The following PDE1A variants were observed in gnomAD, a reference collection of about 807,000 sequenced individuals.
PDE1A encodes the protein dual specificity calcium/calmodulin-dependent 3',5'-cyclic nucleotide phosphodiesterase 1A.
PDE1A carries 35 observed loss-of-function variants against 61.7 expected under a neutral mutation model. The ratio of observed to expected loss-of-function variants is 0.57; its 90% confidence interval spans 0.43 to 0.75. The LOEUF (loss-of-function observed/expected upper bound fraction) is 0.75, where lower values mean the gene tolerates loss of function less well. Among genes scored for constraint, PDE1A ranks in the 30% least tolerant of loss-of-function variants. The pLI, the probability that PDE1A is intolerant of heterozygous loss-of-function variation, is 0.00. For missense variants in PDE1A, 597 were observed against 630.6 expected (o/e 0.95, Z 0.57); for synonymous variants, 232 against 213.2 (o/e 1.09, Z -0.77).
intron 2 of PDE1A, among the ~76,000 whole-genome samples, chr2:182,472,741 T>C (rs1256745347): frequency 4.0e-5 from 6 of 150,234 alleles, no homozygotes; most frequent in African/African-American, 1.5e-4. Context: ...TAATCAACTC[T>C]AGCTCAACTG....
At chr2:182,188,923 T>C in intron 11 of PDE1A, 56 bp downstream of exon 11, 1 of 1,147,834 alleles carries the variant, frequency 8.7e-7, no homozygotes, top group Non-Finnish European at 1.3e-6. Flanking sequence ...CGTTTACCCA[T>C]TTGAAAACTG....
At chr2:182,545,179 G>C in the PDE1A span, among the ~76,000 whole-genome samples, 4 of 152,174 alleles carry the variant, frequency 2.6e-5, no homozygotes, top group East Asian at 7.7e-4. Flanking sequence ...GAAGAAACCG[G>C]ATACTACTCC....
At chr2:182,430,572 A>G (rs1203405830), upstream of PDE1A, among the ~76,000 whole-genome samples, 2 of 70,616 alleles carry the variant, frequency 2.8e-5, no homozygotes, top group African/African-American at 1.0e-4. Flanking sequence ...ATCTAGAACT[A>G]GAAATACCAT....
chr2:182,674,531 A>C, the PDE1A span, among the ~76,000 whole-genome samples: 1 of 151,966 alleles, frequency 6.6e-6, no homozygotes, highest in African/African-American at 2.4e-5. Context: ...AGGACAAAAT[A>C]AAATTATATA....
At chr2:182,360,960 G>T (rs1426413148) in intron 1 of PDE1A, among the ~76,000 whole-genome samples, 1 of 151,918 alleles carries the variant, frequency 6.6e-6, no homozygotes, top group Non-Finnish European at 1.5e-5. Context: ...AATAATAAAG[G>T]CTTATTTGTC....
At chr2:182,610,611 A>C in the PDE1A span, among the ~76,000 whole-genome samples, 1 of 152,230 alleles carries the variant, frequency 6.6e-6, no homozygotes, top group African/African-American at 2.4e-5. Context: ...TAGTAAATTA[A>C]AACAGTTGAA....
At chr2:182,609,465 T>C in the PDE1A span, among the ~76,000 whole-genome samples, 14 of 152,356 alleles carry the variant, frequency 9.2e-5, no homozygotes, top group African/African-American at 3.4e-4. Flanking sequence ...GGTCCACACT[T>C]CCTTTATGAG....
intron 3 of PDE1A, among the ~76,000 whole-genome samples, chr2:182,238,266 C>A (rs1450591200): frequency 1.4e-3 from 133 of 97,980 alleles, no homozygotes; most frequent in East Asian, 3.9e-3. Context: ...CAGACTACGT[C>A]AAAAAAAAAA....
chr2:182,589,087 A>AATG, the PDE1A span, among the ~76,000 whole-genome samples: 1 of 127,054 alleles, frequency 7.9e-6, no homozygotes, highest in African/African-American at 3.0e-5. Context: ...TAATAATAAT[A>AATG]ATAATTTTAA....
chr2:182,654,181 C>T, the PDE1A span, among the ~76,000 whole-genome samples: 1 of 152,144 alleles, frequency 6.6e-6, no homozygotes, highest in Non-Finnish European at 1.5e-5. Flanking sequence ...GTACCAGAGG[C>T]TATATTAGTT....
At chr2:182,389,486 T>TA (rs990795183) in intron 1 of PDE1A, among the ~76,000 whole-genome samples, 3 of 152,102 alleles carry the variant, frequency 2.0e-5, no homozygotes, top group Admixed American at 6.5e-5. Context: ...AGTGATATAT[T>TA]AAAAAAATAC....
At chr2:182,250,010 G>C (rs912947029) in intron 2 of PDE1A, among the ~76,000 whole-genome samples, 3 of 152,148 alleles carry the variant, frequency 2.0e-5, no homozygotes, top group African/African-American at 7.2e-5. Flanking sequence ...ATTCAACCAG[G>C]AGTGTCCATG....
intron 2 of PDE1A, among the ~76,000 whole-genome samples, chr2:182,249,459 C>T (rs1416731234): frequency 1.3e-5 from 2 of 152,040 alleles, no homozygotes; most frequent in Non-Finnish European, 2.9e-5. Flanking sequence ...AGAGGAACAC[C>T]AAAGAGAGCC....
chr2:182,349,275 T>A lies in PDE1A; in HGVS notation c.53+77303A>T, dbSNP rs540707312. Among the ~76,000 whole-genome samples, 46 of 152,238 alleles carry A rather than the reference T, an allele frequency of 3.0e-4. 1 individual carries two copies. In the South Asian group the frequency reaches 9.5e-3, roughly 32 times the overall value. ...CTACCATAAATAAACAGGATAAACA[T>A]AGAATCTGTCTGAAAAAGACACACT... is the stretch of plus-strand genomic sequence containing the variant. On this transcript the variant is annotated intron_variant, in intron 1 of 13. Transcript: ENST00000351439.
the PDE1A span, among the ~76,000 whole-genome samples, chr2:182,604,645 T>A: frequency 6.6e-6 from 1 of 152,220 alleles, no homozygotes; most frequent in African/African-American, 2.4e-5. Flanking sequence ...TTTATTATTA[T>A]CCCTAAGCAT....
At chr2:182,262,226 T>C (rs369271440) in intron 2 of PDE1A, among the ~76,000 whole-genome samples, 1 of 66,636 alleles carries the variant, frequency 1.5e-5, no homozygotes, top group African/African-American at 1.1e-4. Flanking sequence ...TTCTTTTTCT[T>C]TCTCTCTTTC....
chr2:182,343,734 T>C (rs1237822630), intron 1 of PDE1A, among the ~76,000 whole-genome samples: 2 of 152,162 alleles, frequency 1.3e-5, no homozygotes, highest in Admixed American at 6.6e-5. Flanking sequence ...TTCTTATATT[T>C]AGTAATTAAG....
the PDE1A span, among the ~76,000 whole-genome samples, chr2:182,603,533 A>G: frequency 6.6e-6 from 1 of 152,140 alleles, no homozygotes; most frequent in African/African-American, 2.4e-5. Flanking sequence ...ATTTTTTAGT[A>G]GAGACAGGGT....
At chr2:182,217,969 CG>C (rs1192836989) in intron 7 of PDE1A, among the ~76,000 whole-genome samples, 1 of 151,270 alleles carries the variant, frequency 6.6e-6, no homozygotes, top group Admixed American at 6.6e-5. Context: ...CACATGCAAA[CG>C]TATGTTTATT....
Sources: gnomAD v4.1 joint callset for allele counts (sites outside exome capture counted in the v4.1 genomes callset) on GRCh38, gnomAD v4.1.1 for gene constraint, MANE v1.5 for transcripts, NCBI Gene and HGNC (gene_info 2026-07-23, HGNC 2026-07-21) for gene names.